TMEM132C: variants seen among roughly 807,000 people sequenced by gnomAD.
TMEM132C encodes protein phosphatase 1, regulatory subunit 152.
In TMEM132C, 29 loss-of-function variants were observed where a neutral mutation model predicts 61.4. The observed-to-expected ratio is 0.47, with a 90% CI of 0.35 to 0.64. TMEM132C has a LOEUF of 0.64. Among genes scored for constraint, TMEM132C ranks in the 30% least tolerant of loss-of-function variants. The probability of loss-of-function intolerance (pLI) is 0.00; values close to 1 mark genes in which losing one functional copy is unlikely to be tolerated. For missense variants in TMEM132C, 1,408 were observed against 1,476.9 expected (o/e 0.95, Z 0.76); for synonymous variants, 656 against 633.1 (o/e 1.04, Z -0.54).
At chr12:128,458,040 T>C (rs1180230865) in intron 2 of TMEM132C, among the ~76,000 whole-genome samples, 2 of 152,074 alleles carry the variant, frequency 1.3e-5, no homozygotes, top group African/African-American at 4.8e-5. Flanking sequence ...TGTTTTTATC[T>C]GCTGAATAAG....
chr12:128,597,087 C>A (rs1054354085), intron 3 of TMEM132C, among the ~76,000 whole-genome samples: 3 of 152,164 alleles, frequency 2.0e-5, no homozygotes, highest in African/African-American at 7.2e-5. Flanking sequence ...TTTGCTTCTC[C>A]AAATCAGCTT....
intron 1 of TMEM132C, among the ~76,000 whole-genome samples, chr12:128,333,316 ATG>A (rs1347134807): frequency 3.2e-4 from 49 of 151,588 alleles, no homozygotes; most frequent in Non-Finnish European, 5.4e-4. Context: ...GTGTGTATGT[ATG>A]TGTGTGCGAG....
chr12:128,703,435 A>G (rs2135662220), intron 8 of TMEM132C, among the ~76,000 whole-genome samples: 1 of 152,318 alleles, frequency 6.6e-6, no homozygotes, highest in East Asian at 1.9e-4. Flanking sequence ...TGCTAAGAAT[A>G]ATGGCCTCTA....
At chr12:128,647,419 G>A (rs994327134) in intron 4 of TMEM132C, among the ~76,000 whole-genome samples, 1 of 151,778 alleles carries the variant, frequency 6.6e-6, no homozygotes, top group Non-Finnish European at 1.5e-5. Context: ...TTGGATGAGT[G>A]TGTTTACTAG....
chr12:128,685,563 A>G (rs1284164782), intron 5 of TMEM132C, among the ~76,000 whole-genome samples: 4 of 151,870 alleles, frequency 2.6e-5, no homozygotes, highest in Non-Finnish European at 4.4e-5. Flanking sequence ...GCAGAAGTAC[A>G]CATTTCCTAA....
At chr12:128,330,831 A>G (rs1872648953) in intron 1 of TMEM132C, among the ~76,000 whole-genome samples, 1 of 152,248 alleles carries the variant, frequency 6.6e-6, no homozygotes, top group Non-Finnish European at 1.5e-5. Flanking sequence ...TGTTAGAAAC[A>G]TCAGATTTTT....
intron 3 of TMEM132C, among the ~76,000 whole-genome samples, chr12:128,614,487 G>A (rs1876733881): frequency 6.6e-6 from 1 of 152,134 alleles, no homozygotes; most frequent in Non-Finnish European, 1.5e-5. Flanking sequence ...TTGGAGACTT[G>A]TGATGTCATA....
intron 2 of TMEM132C, among the ~76,000 whole-genome samples, chr12:128,516,397 G>A (rs1047711978): frequency 2.6e-5 from 4 of 152,116 alleles, no homozygotes; most frequent in Admixed American, 1.3e-4. Context: ...TTCCACGTCC[G>A]AGGCGTTCCA....
intron 1 of TMEM132C, 79 bp downstream of exon 1, chr12:128,267,566 G>A: frequency 8.9e-7 from 1 of 1,127,266 alleles, no homozygotes; most frequent in Non-Finnish European, 1.1e-6. Context: ...GAGGGCAGCC[G>A]AAGCGAGGGG....
intron 2 of TMEM132C, among the ~76,000 whole-genome samples, chr12:128,436,331 GCAAAAGAAA>G (rs1869588324): frequency 6.6e-6 from 1 of 152,170 alleles, no homozygotes; most frequent in Non-Finnish European, 1.5e-5. Context: ...CTTCTGCACA[GCAAAAGAAA>G]CTACCATCAG....
At chr12:128,539,775 G>T (rs59511164) in intron 2 of TMEM132C, among the ~76,000 whole-genome samples, 11,280 of 152,048 alleles carry the variant, frequency 0.074, 1,392 homozygotes, top group African/African-American at 0.25. Context: ...CTTTCTGATG[G>T]TTTTTTTCTC....
intron 2 of TMEM132C, among the ~76,000 whole-genome samples, chr12:128,449,882 G>A (rs1001922605): frequency 1.3e-5 from 2 of 152,178 alleles, no homozygotes; most frequent in Non-Finnish European, 2.9e-5. Flanking sequence ...CAGAAACAAG[G>A]CAACTTACTA....
At chr12:128,488,516 C>T (rs1871581751) in intron 2 of TMEM132C, among the ~76,000 whole-genome samples, 1 of 151,920 alleles carries the variant, frequency 6.6e-6, no homozygotes, top group Admixed American at 6.6e-5. Flanking sequence ...CAGAAATTAG[C>T]CGGACATGGT....
chr12:128,469,399 T>C (rs1238150507), intron 2 of TMEM132C, among the ~76,000 whole-genome samples: 2 of 148,746 alleles, frequency 1.3e-5, no homozygotes, highest in Non-Finnish European at 3.0e-5. Context: ...CACTGCAGCC[T>C]CGACCTCCTG....
rs545576733 is a variant in TMEM132C at position 128,275,763 on chromosome 12, G to A, written c.85+8276G>A. Among the ~76,000 whole-genome samples, 10 of 152,236 alleles carry A rather than the reference G, an allele frequency of 6.6e-5. No homozygotes were observed. The South Asian group carries it at 8.3e-4, about 13-fold the overall frequency. On this transcript the variant is annotated intron_variant, in intron 1 of 8. Coordinates refer to ENST00000435159, the MANE Select transcript of TMEM132C (RefSeq NM_001136103.3). ...AAAGTGGACTAGAGATACTTAGCACGCTTTATGAATTTCCAAGGGCAGTTG... is the reference window on the plus strand; with the variant it reads ...AAAGTGGACTAGAGATACTTAGCACACTTTATGAATTTCCAAGGGCAGTTG...
chr12:128,342,760 TGCCCGTGG>T (rs911170950), intron 1 of TMEM132C, among the ~76,000 whole-genome samples: 1 of 152,224 alleles, frequency 6.6e-6, no homozygotes, highest in Admixed American at 6.5e-5. Flanking sequence ...TCTCCTTCTC[TGCCCGTGG>T]GCCCCTGGGC....
chr12:128,397,584 C>T (rs966168126), intron 1 of TMEM132C, among the ~76,000 whole-genome samples: 5 of 152,128 alleles, frequency 3.3e-5, no homozygotes, highest in Non-Finnish European at 7.4e-5. Context: ...TTTGAAATAA[C>T]AAGTTGGTCC....
intron 1 of TMEM132C, among the ~76,000 whole-genome samples, chr12:128,351,964 T>G (rs1873349426): frequency 6.6e-6 from 1 of 152,110 alleles, no homozygotes; most frequent in African/African-American, 2.4e-5. Context: ...ATCTGCAAGG[T>G]GAGTCAGTGA....
chr12:128,402,609 A>G (rs1456359994), intron 1 of TMEM132C, among the ~76,000 whole-genome samples: 1 of 151,436 alleles, frequency 6.6e-6, no homozygotes. Context: ...GCCTGAGCCA[A>G]TCAGAACCCA....
Sources: gnomAD v4.1 joint callset for allele counts (sites outside exome capture counted in the v4.1 genomes callset) on GRCh38, gnomAD v4.1.1 for gene constraint, MANE v1.5 for transcripts, NCBI Gene and HGNC (gene_info 2026-07-23, HGNC 2026-07-21) for gene names.